TPCN1: variants seen among roughly 807,000 people sequenced by gnomAD.
The protein encoded by TPCN1 is two pore segment channel 1, also known as two pore channel protein 1.
TPCN1 carries 52 observed loss-of-function variants against 108.8 expected under a neutral mutation model. The ratio of observed to expected loss-of-function variants is 0.48; its 90% CI spans 0.38 to 0.60. The LOEUF is 0.60. TPCN1 is among the 20% of genes least tolerant of loss of function. TPCN1 has a pLI of 0.00. For missense variants in TPCN1, 806 were observed against 1,072.8 expected (o/e 0.75, Z 3.47); for synonymous variants, 446 against 433.7 (o/e 1.03, Z -0.35).
Position 113,221,506 on chromosome 12 carries a change from C to G in TPCN1, c.-246C>G. Reference sequence around the variant, plus strand: ...CTGGTGGCAGTGGCTGAAGTGGCGGCGGCTTCGGCGGCTGCGGCGGCTGCA... The same window carrying G: ...CTGGTGGCAGTGGCTGAAGTGGCGGGGGCTTCGGCGGCTGCGGCGGCTGCA... On this transcript the variant is annotated 5_prime_UTR_variant, in exon 1 of 28. Transcript: ENST00000335509. 1 of 284,628 alleles carries G rather than the reference C, an allele frequency of 3.5e-6. No individual in the cohort carries two copies. Among genetic ancestry groups the G allele is most frequent in the Admixed American group, 4.2e-5 (1 of 23,588 alleles). 17.6% of individuals were successfully genotyped at this position (284,628 alleles called of 1,614,324 possible).
intron 2 of TPCN1, among the ~76,000 whole-genome samples, chr12:113,256,167 C>A (rs997933901): frequency 6.6e-6 from 1 of 151,990 alleles, no homozygotes; most frequent in Non-Finnish European, 1.5e-5. Context: ...GAGATAGGGT[C>A]TCACTATATT....
intron 7 of TPCN1, among the ~76,000 whole-genome samples, chr12:113,270,504 G>A (rs539086975): frequency 3.3e-4 from 50 of 149,690 alleles, no homozygotes; most frequent in Admixed American, 2.8e-3. Flanking sequence ...TTTTTGAGAC[G>A]GAGTCTCACC....
intron 2 of TPCN1, among the ~76,000 whole-genome samples, chr12:113,235,572 T>C (rs1443365477): frequency 3.3e-5 from 5 of 152,172 alleles, no homozygotes; most frequent in Admixed American, 3.3e-4. Flanking sequence ...ATCGTCACTT[T>C]CTTGTCAACT....
At position 113,269,670 on chromosome 12, in the gene TPCN1, A is replaced by G; in HGVS notation, c.660-87A>G. 1.8e-6 allele frequency: 2 copies of G among 1,120,706 alleles called. No homozygotes were observed. The highest frequency in any genetic ancestry group is 2.6e-6 in the Non-Finnish European group (2 of 758,916). 69.4% of individuals were successfully genotyped at this position (1,120,706 alleles called of 1,614,324 possible). A position where few individuals can be genotyped will look rare whatever the true frequency, so the allele number is the denominator to read the frequency against. On this transcript the variant is annotated intron_variant, in intron 6 of 27. Coordinates refer to ENST00000335509, the MANE Select transcript of TPCN1 (RefSeq NM_017901.6). The surrounding 1 kb of genome is among the most constrained non-coding windows in gnomAD (Gnocchi z 5.0). ...TCAGGGTTTAGTATTTCGAGTCAGA[A>G]GCACTAGGCCTCCATCTCAACAAGG... is the stretch of plus-strand genomic sequence containing the variant.
chr12:113,291,059 T>G, intron 23 of TPCN1, 61 bp downstream of exon 23: 4 of 1,459,100 alleles, frequency 2.7e-6, no homozygotes, highest in Non-Finnish European at 3.8e-6. Context: ...GCCCTGGGTC[T>G]CCCCCAACCC....
chr12:113,225,528 A>G (rs906493849), intron 1 of TPCN1, among the ~76,000 whole-genome samples: 3 of 152,000 alleles, frequency 2.0e-5, no homozygotes, highest in Admixed American at 2.0e-4. Flanking sequence ...ATACTGTAAT[A>G]ATGCTTTTAT....
chr12:113,287,124 G>T (rs759484046), intron 19 of TPCN1, 30 bp downstream of exon 19: 1 of 1,565,854 alleles, frequency 6.4e-7, no homozygotes, highest in South Asian at 1.1e-5. Flanking sequence ...CGGAGACAGG[G>T]AGAAAGAGAG....
chr12:113,279,360 T>C (rs1355345212), intron 14 of TPCN1, among the ~76,000 whole-genome samples: 1 of 37,264 alleles, frequency 2.7e-5, no homozygotes, highest in Non-Finnish European at 4.2e-5. Context: ...TGTGTGTGTG[T>C]ATATATATAT....
At chr12:113,293,216 G>A in intron 26 of TPCN1, 53 bp from the exon 27 acceptor site, 3 of 1,607,312 alleles carry the variant, frequency 1.9e-6, no homozygotes, top group Non-Finnish European at 2.6e-6. Flanking sequence ...GTGGCACCAG[G>A]GGTGGGACCT....
rs542878956 is a variant in TPCN1 at position 113,262,586 on chromosome 12, A to G, written c.237+2094A>G. Among the ~76,000 whole-genome samples, 4 of 152,310 alleles carry G rather than the reference A, an allele frequency of 2.6e-5. No individual in the cohort carries two copies. The East Asian group carries it at 5.8e-4, about 22-fold the overall frequency. The stretch of plus-strand genomic sequence containing the variant: ...GTCCCAAGCGCAGGCATACTTGTTA[A>G]TGATCTAGCAGGGACATCTTATGCA... On this transcript the variant is annotated intron_variant, in intron 3 of 27. Transcript: ENST00000335509.
At chr12:113,255,321 A>C (rs1954794101) in intron 2 of TPCN1, among the ~76,000 whole-genome samples, 1 of 152,236 alleles carries the variant, frequency 6.6e-6, no homozygotes, top group African/African-American at 2.4e-5. Context: ...TAAAAGACTT[A>C]GTGATAAATC....
At chr12:113,248,209 G>A (rs1485080597) in intron 2 of TPCN1, among the ~76,000 whole-genome samples, 1 of 152,232 alleles carries the variant, frequency 6.6e-6, no homozygotes, top group Non-Finnish European at 1.5e-5. Flanking sequence ...CTTGTTCTCC[G>A]CCCTCCAGGC....
At position 113,273,396 on chromosome 12, in the gene TPCN1, G is replaced by A; in HGVS notation, c.842+106G>A. ...CATCCCAGCACAGGCAGGTGCTGTG[G>A]TGCTATTGGGAGACAGGGTTGGCCC... is the stretch of plus-strand genomic sequence containing the variant. On this transcript the variant is annotated intron_variant, in intron 9 of 27. Coordinates refer to ENST00000335509, the MANE Select transcript of TPCN1 (RefSeq NM_017901.6). The surrounding 1 kb of genome is among the most constrained non-coding windows in gnomAD (Gnocchi z 4.0). The A allele has an allele frequency of 7.3e-7, 1 of 1,362,734 alleles. No homozygotes were observed. The highest frequency in any genetic ancestry group is 1.0e-6 in the Non-Finnish European group (1 of 954,186). The allele number at this position is 1,362,734 out of a possible 1,614,324, so 84.4% of individuals were successfully genotyped here.
intron 27 of TPCN1, among the ~76,000 whole-genome samples, chr12:113,294,609 A>G (rs1956369096): frequency 6.7e-6 from 1 of 150,352 alleles, no homozygotes; most frequent in South Asian, 2.1e-4. Context: ...CTTGGGTGAC[A>G]GAGCTAGACT....
At chr12:113,261,931 C>A (rs557974692) in intron 3 of TPCN1, among the ~76,000 whole-genome samples, 3 of 151,566 alleles carry the variant, frequency 2.0e-5, no homozygotes, top group African/African-American at 7.3e-5. Flanking sequence ...TAGAAGGAAT[C>A]AACAATTTTT....
At chr12:113,275,325 C>T (rs1242947907) in intron 10 of TPCN1, among the ~76,000 whole-genome samples, 1 of 152,054 alleles carries the variant, frequency 6.6e-6, no homozygotes, top group Non-Finnish European at 1.5e-5. Context: ...GCAACCGCCG[C>T]CTCCCAGGTT....
At chr12:113,246,974 G>T (rs1377686382) in intron 2 of TPCN1, among the ~76,000 whole-genome samples, 1 of 152,208 alleles carries the variant, frequency 6.6e-6, no homozygotes, top group Non-Finnish European at 1.5e-5. Context: ...GCGAGTGCCA[G>T]TCATTGACCT....
At chr12:113,240,627 G>A (rs1015469316) in intron 2 of TPCN1, among the ~76,000 whole-genome samples, 3 of 152,124 alleles carry the variant, frequency 2.0e-5, no homozygotes, top group African/African-American at 7.2e-5. Flanking sequence ...ATGTGAGTTG[G>A]TAGTTTGCAT....
intron 2 of TPCN1, among the ~76,000 whole-genome samples, chr12:113,259,179 G>T (rs1954930730): frequency 6.6e-6 from 1 of 152,122 alleles, no homozygotes; most frequent in African/African-American, 2.4e-5. Flanking sequence ...GTTTTGTCAT[G>T]TTGGCCATGC....
Sources: allele counts gnomAD v4.1 joint callset (sites outside exome capture counted in the v4.1 genomes callset), GRCh38; gene constraint gnomAD v4.1.1; non-coding constraint Gnocchi (gnomAD v3.1); transcripts MANE v1.5; gene names NCBI Gene and HGNC (gene_info 2026-07-23, HGNC 2026-07-21).